The following CFAP70 variants were observed in gnomAD, a reference collection of about 807,000 sequenced individuals.
CFAP70 encodes cilia and flagella associated protein 70.
In CFAP70, 81 loss-of-function variants were observed where a neutral mutation model predicts 137.6. That is an observed-to-expected ratio of 0.59 (90% CI 0.49 to 0.71). The LOEUF (loss-of-function observed/expected upper bound fraction) is 0.71. Ranked by LOEUF, CFAP70 falls within the 30% of genes least tolerant of loss-of-function variation. The pLI is 0.00. For synonymous variants in CFAP70, 382 were observed against 423.6 expected, an observed-to-expected ratio of 0.90 and a Z score of 1.20; for missense variants, 976 against 1,226.7, an observed-to-expected ratio of 0.80 and a Z score of 3.05.
At chr10:73,280,479 T>C (rs1564776625) in intron 19 of CFAP70, among the ~76,000 whole-genome samples, 2 of 152,188 alleles carry the variant, frequency 1.3e-5, no homozygotes, top group Non-Finnish European at 2.9e-5. Flanking sequence ...CTCTATTTTT[T>C]GAACATGTGG....
intron 12 of CFAP70, among the ~76,000 whole-genome samples, chr10:73,300,792 C>T (rs564437110): frequency 1.8e-4 from 27 of 152,122 alleles, no homozygotes; most frequent in Non-Finnish European, 3.4e-4. Flanking sequence ...ACCTGGGAGG[C>T]AGAGGTGCAG....
intron 6 of CFAP70, 110 bp from the exon 8 acceptor site, chr10:73,335,634 A>G (rs2052567692): frequency 1.6e-6 from 1 of 638,580 alleles, no homozygotes; most frequent in African/African-American, 1.8e-5. Flanking sequence ...TCTTAGTATT[A>G]TTACTACTAT....
intron 25 of CFAP70, among the ~76,000 whole-genome samples, chr10:73,265,873 A>AT (rs58877464): frequency 0.059 from 8,414 of 141,908 alleles, 531 homozygotes; most frequent in African/African-American, 0.16. Context: ...TGTCATAGCT[A>AT]TTTTTTTTTT....
In CFAP70 at chr10:73,284,737, CACATATATATAT is replaced by C. The variant is rs2047518357; in HGVS notation, c.2240-6412_2240-6401del. Among the ~76,000 whole-genome samples the C allele has an allele frequency of 5.0e-4, 30 of 60,090 alleles. 1 individual carries two copies. The highest frequency in any genetic ancestry group is 1.1e-3 in the African/African-American group (15 of 14,134). 39.4% of individuals were successfully genotyped at this position (60,090 alleles called of 152,430 possible). A position where few individuals can be genotyped will look rare whatever the true frequency, so the allele number is the denominator to read the frequency against. On this transcript the variant is annotated intron_variant, in intron 19 of 26. Transcript: ENST00000310715. ...AGCCTATGGGCCATATATGACCTGC[CACATATATATAT>C]ATATATATATATATATATATATATA...
intron 25 of CFAP70, among the ~76,000 whole-genome samples, chr10:73,262,725 T>C (rs2133602994): frequency 6.6e-6 from 1 of 152,332 alleles, no homozygotes; most frequent in South Asian, 2.1e-4. Flanking sequence ...TACTATCCTT[T>C]GTTACAGGTA....
chr10:73,323,211 C>T, intron 8 of CFAP70, 114 bp from the exon 10 acceptor site: 1 of 995,160 alleles, frequency 1.0e-6, no homozygotes, highest in East Asian at 2.8e-5. Context: ...AACTACTTAG[C>T]CAGTTATGTG....
intron 1 of CFAP70, among the ~76,000 whole-genome samples, chr10:73,356,097 CTTAT>C (rs1379005633): frequency 2.6e-5 from 4 of 152,132 alleles, no homozygotes; most frequent in African/African-American, 9.7e-5. Context: ...TAATGTATTT[CTTAT>C]TTAGTCAGAT....
At chr10:73,267,085 C>T (rs974331638) in intron 25 of CFAP70, among the ~76,000 whole-genome samples, 8 of 152,034 alleles carry the variant, frequency 5.3e-5, no homozygotes, top group Admixed American at 5.2e-4. Context: ...TTTTATTCAG[C>T]CTCATTTCAG....
chr10:73,298,970 C>A, exon 14 of CFAP70: 1 of 1,614,068 alleles, frequency 6.2e-7, no homozygotes. Flanking sequence ...TGAGCTGGCA[C>A]TTCTGCTCCT....
In CFAP70 at chr10:73,340,353, C is replaced by A. The variant is rs80218151; in HGVS notation, c.582+1046G>T. Among the ~76,000 whole-genome samples, 981 of 152,304 alleles carry A rather than the reference C, an allele frequency of 6.4e-3. 15 individuals are homozygous for A. The highest frequency in any genetic ancestry group is 0.022 in the African/African-American group (932 of 41,580). On this transcript the variant is annotated intron_variant, in intron 6 of 26. Coordinates refer to ENST00000310715, the Ensembl canonical transcript of CFAP70. ...CATCCCATCCTTTGCCTGAGTCTGG[C>A]TGAGTCATGGGTTTTTATAGGCTCC...
chr10:73,348,555 TA>T, intron 3 of CFAP70, 34 bp from the exon 4 acceptor site: 1 of 1,338,624 alleles, frequency 7.5e-7, no homozygotes, highest in South Asian at 1.5e-5. Context: ...ATGAGACATT[TA>T]AAACACATCT....
chr10:73,315,919 T>C (rs776855491), intron 9 of CFAP70, among the ~76,000 whole-genome samples: 1 of 152,182 alleles, frequency 6.6e-6, no homozygotes, highest in Non-Finnish European at 1.5e-5. Context: ...CTGAAATTTC[T>C]AAATATTATT....
chr10:73,288,104 C>T (rs1237104369), intron 19 of CFAP70, among the ~76,000 whole-genome samples: 3 of 151,996 alleles, frequency 2.0e-5, no homozygotes, highest in Non-Finnish European at 4.4e-5. Context: ...GCCATATTTG[C>T]CAAGCTGGTC....
intron 12 of CFAP70, among the ~76,000 whole-genome samples, chr10:73,305,872 C>A (rs1487503277): frequency 1.3e-5 from 2 of 152,064 alleles, no homozygotes; most frequent in African/African-American, 2.4e-5. Context: ...ACTTACTACA[C>A]AAATACATTA....
chr10:73,304,536 G>C (rs2049219587), intron 12 of CFAP70, among the ~76,000 whole-genome samples: 1 of 152,048 alleles, frequency 6.6e-6, no homozygotes, highest in Non-Finnish European at 1.5e-5. Flanking sequence ...TTACAATGTG[G>C]ATTAAAATTA....
At chr10:73,272,951 C>G (rs1394728339) in exon 24 of CFAP70, 1 of 1,552,780 alleles carries the variant, frequency 6.4e-7, no homozygotes, top group South Asian at 1.2e-5. Flanking sequence ...ATTCCCAGTC[C>G]TAGCCAGGTA....
At chr10:73,255,320 G>A (rs1013070522) in intron 26 of CFAP70, among the ~76,000 whole-genome samples, 1 of 152,084 alleles carries the variant, frequency 6.6e-6, no homozygotes, top group Non-Finnish European at 1.5e-5. Context: ...GCCTGAACCC[G>A]GGAGGCGGAG....
chr10:73,259,225 G>T (rs544658024), intron 25 of CFAP70, among the ~76,000 whole-genome samples: 2 of 151,996 alleles, frequency 1.3e-5, no homozygotes, highest in East Asian at 3.9e-4. Context: ...TGACACTTAG[G>T]GAAAATAGAA....
intron 10 of CFAP70, among the ~76,000 whole-genome samples, 177 bp downstream of exon 11, chr10:73,312,296 C>T (rs374769345): frequency 2.6e-5 from 4 of 152,108 alleles, no homozygotes; most frequent in African/African-American, 9.7e-5. Context: ...AGCAAACCAC[C>T]ATGGCACATG....
Sources: gnomAD v4.1 joint callset for allele counts (sites outside exome capture counted in the v4.1 genomes callset) on GRCh38, gnomAD v4.1.1 for gene constraint, MANE v1.5 for transcripts, NCBI Gene and HGNC (gene_info 2026-07-23, HGNC 2026-07-21) for gene names.